RTKN2: variants seen among roughly 807,000 people sequenced by gnomAD.
The protein encoded by RTKN2 is rhotekin 2.
RTKN2 carries 69 observed loss-of-function variants against 71.5 expected under a neutral mutation model. The observed-to-expected ratio is 0.96, with a 90% CI of 0.79 to 1.18. The LOEUF (loss-of-function observed/expected upper bound fraction) is 1.18, where lower values mean the gene tolerates loss of function less well. Ranked by LOEUF, RTKN2 falls within the 50% of genes most tolerant of loss-of-function variation. The probability of loss-of-function intolerance (pLI) is 0.00; values close to 1 mark genes in which losing one functional copy is unlikely to be tolerated. For synonymous variants in RTKN2, 236 were observed against 236.5 expected (o/e 1.00, Z 0.02); for missense variants, 724 against 719.7 (o/e 1.01, Z -0.07).
At chr10:62,209,873 C>A (rs1841624430) in intron 9 of RTKN2, among the ~76,000 whole-genome samples, 1 of 152,090 alleles carries the variant, frequency 6.6e-6, no homozygotes, top group East Asian at 1.9e-4. Context: ...CACTGATGGG[C>A]ATTTAGGTTG....
rs553517413 is a variant in RTKN2, at chr10:62,230,235, A to C, written c.686+5831T>G. On this transcript the variant is annotated intron_variant, in intron 6 of 11. Coordinates refer to ENST00000373789, the MANE Select transcript of RTKN2 (RefSeq NM_145307.4). ...TGCCCAGGTTGGTGTGCAATGGCTC[A>C]ATCTCAGCTCACTGCAACCTCTGCC... Among the ~76,000 whole-genome samples, 6 of 152,182 alleles carry C rather than the reference A, an allele frequency of 3.9e-5. No homozygotes were observed. The East Asian group carries it at 1.2e-3, about 29-fold the overall frequency.
At chr10:62,207,430 T>C (rs971404051) in intron 9 of RTKN2, among the ~76,000 whole-genome samples, 20 of 152,038 alleles carry the variant, frequency 1.3e-4, no homozygotes, top group African/African-American at 4.8e-4. Context: ...AAACTTTTAA[T>C]CAAAAAAATG....
At chr10:62,223,991 T>C (rs778512796) in intron 6 of RTKN2, among the ~76,000 whole-genome samples, 5 of 152,108 alleles carry the variant, frequency 3.3e-5, no homozygotes, top group Non-Finnish European at 7.4e-5. Context: ...CACATACATA[T>C]GCATAATGGA....
At chr10:62,257,755 C>T (rs1842701007) in intron 2 of RTKN2, among the ~76,000 whole-genome samples, 1 of 152,144 alleles carries the variant, frequency 6.6e-6, no homozygotes, top group South Asian at 2.1e-4. Context: ...TATCCAGCCA[C>T]AGCATGCAGA....
At chr10:62,229,315 A>G (rs1447570192) in intron 6 of RTKN2, among the ~76,000 whole-genome samples, 2 of 152,208 alleles carry the variant, frequency 1.3e-5, no homozygotes, top group South Asian at 4.1e-4. Flanking sequence ...AGGACATGCA[A>G]TTACTAGTAA....
intron 2 of RTKN2, among the ~76,000 whole-genome samples, chr10:62,256,795 T>C (rs904561983): frequency 1.3e-5 from 2 of 152,118 alleles, no homozygotes; most frequent in East Asian, 1.9e-4. Context: ...ATATACATGA[T>C]GTTGATTGTA....
rs139873861 is a variant in RTKN2, at chr10:62,194,768, G to A, written c.*3140C>T. On this transcript the variant is annotated 3_prime_UTR_variant, in exon 12 of 12. Coordinates refer to ENST00000373789, the MANE Select transcript of RTKN2 (RefSeq NM_145307.4). ...TACTTGACTGCTTAACCTACCTTAC[G>A]TGAGGTATCTCTAATTCAAGACAGC... is the stretch of plus-strand genomic sequence containing the variant. 6.5e-4 allele frequency: 643 copies of A among 985,244 alleles called. 1 individual carries two copies. The highest frequency in any genetic ancestry group is 8.7e-4 in the African/African-American group (50 of 57,348). 61.0% of individuals were successfully genotyped at this position (985,244 alleles called of 1,614,324 possible).
intron 2 of RTKN2, among the ~76,000 whole-genome samples, chr10:62,261,600 G>A (rs1240129243): frequency 1.3e-5 from 2 of 152,110 alleles, no homozygotes; most frequent in African/African-American, 2.4e-5. Flanking sequence ...GCAGTGAGCT[G>A]AGATCACACC....
chr10:62,231,006 A>C (rs1014941586), intron 6 of RTKN2, among the ~76,000 whole-genome samples: 3 of 152,172 alleles, frequency 2.0e-5, no homozygotes, highest in South Asian at 4.1e-4. Flanking sequence ...TTATGTTTAC[A>C]AACTGTATCA....
intron 8 of RTKN2, among the ~76,000 whole-genome samples, chr10:62,185,721 G>A (rs954671925): frequency 4.6e-5 from 7 of 152,158 alleles, no homozygotes; most frequent in South Asian, 2.1e-4. Context: ...GAAGAGACCC[G>A]GTTAACCTGA....
At chr10:62,248,048 T>C (rs1842509914) in intron 2 of RTKN2, among the ~76,000 whole-genome samples, 1 of 152,108 alleles carries the variant, frequency 6.6e-6, no homozygotes, top group Admixed American at 6.6e-5. Context: ...GCAAACTTGC[T>C]GAATATTTAC....
intron 8 of RTKN2, among the ~76,000 whole-genome samples, chr10:62,185,468 T>C (rs1027884874): frequency 6.6e-6 from 1 of 151,954 alleles, no homozygotes; most frequent in Non-Finnish European, 1.5e-5. Flanking sequence ...ATACAAAAAT[T>C]AGCTGGGTGT....
chr10:62,188,633 T>C (rs1841171965), downstream of RTKN2, among the ~76,000 whole-genome samples: 1 of 152,150 alleles, frequency 6.6e-6, no homozygotes, highest in African/African-American at 2.4e-5. Context: ...ATCTTACGTC[T>C]TTCGAGACCC....
chr10:62,266,646 G>A (rs1378317577), intron 1 of RTKN2, among the ~76,000 whole-genome samples: 1 of 152,162 alleles, frequency 6.6e-6, no homozygotes, highest in African/African-American at 2.4e-5. Context: ...GATGCCAAAA[G>A]CTTAAACATT....
At chr10:62,267,189 T>C (rs1347899326) in intron 1 of RTKN2, among the ~76,000 whole-genome samples, 1 of 152,256 alleles carries the variant, frequency 6.6e-6, no homozygotes, top group Non-Finnish European at 1.5e-5. Context: ...TTCAATCATT[T>C]TGATTTTGTC....
Position 62,193,189 on chromosome 10 carries a change from A to C in RTKN2, c.*4719T>G. Reference sequence around the variant, plus strand: ...AAATATTTTTAAGCAAGACACCAAAAAGTATTCATTTTCAACAAAACAATT... The same window carrying C: ...AAATATTTTTAAGCAAGACACCAAACAGTATTCATTTTCAACAAAACAATT... On this transcript the variant is annotated 3_prime_UTR_variant, in exon 12 of 12. Transcript: ENST00000373789. 1 of 840,890 alleles carries C rather than the reference A, an allele frequency of 1.2e-6. No homozygotes were observed. The highest frequency in any genetic ancestry group is 1.4e-6 in the Non-Finnish European group (1 of 698,306). 52.1% of individuals were successfully genotyped at this position (840,890 alleles called of 1,614,324 possible).
chr10:62,213,044 T>G (rs1420488351), intron 9 of RTKN2, among the ~76,000 whole-genome samples: 3 of 152,218 alleles, frequency 2.0e-5, no homozygotes, highest in African/African-American at 7.2e-5. Flanking sequence ...CACAAGAGAC[T>G]GTAATTCATC....
Position 62,197,847 on chromosome 10 carries a change from T to G in RTKN2, c.*61A>C, listed in dbSNP as rs1841359356. On this transcript the variant is annotated 3_prime_UTR_variant, in exon 12 of 12. Coordinates refer to ENST00000373789, the MANE Select transcript of RTKN2 (RefSeq NM_145307.4). ...TATATAATTACACATTATTCTATAA[T>G]GCCTCTGAATTAAGCTTCACAGTTA... is the stretch of plus-strand genomic sequence containing the variant. The G allele has an allele frequency of 7.3e-6, 11 of 1,510,048 alleles. 1 individual carries two copies. Among genetic ancestry groups the G allele is most frequent in the African/African-American group, 7.0e-5 (5 of 71,410 alleles). 93.5% of individuals were successfully genotyped at this position (1,510,048 alleles called of 1,614,324 possible).
In RTKN2 at chr10:62,194,700, T is replaced by C; in HGVS notation, c.*3208A>G. On this transcript the variant is annotated 3_prime_UTR_variant, in exon 12 of 12. Transcript: ENST00000373789. ...TTCATTTTGGACTGAATTAATTAAC[T>C]TCTCAGTAGGGGGCTGAGGTGCTGA... is the stretch of plus-strand genomic sequence containing the variant. 1 of 985,422 alleles carries C rather than the reference T, an allele frequency of 1.0e-6. No individual in the cohort carries two copies. The highest frequency in any genetic ancestry group is 1.2e-6 in the Non-Finnish European group (1 of 829,916). The allele number at this position is 985,422 out of a possible 1,614,324, so 61.0% of individuals were successfully genotyped here.
Sources: gnomAD v4.1 joint callset for allele counts (sites outside exome capture counted in the v4.1 genomes callset) on GRCh38, gnomAD v4.1.1 for gene constraint, MANE v1.5 for transcripts, NCBI Gene and HGNC (gene_info 2026-07-23, HGNC 2026-07-21) for gene names.